The following SKAP1 variants were observed in gnomAD, a reference collection of about 807,000 sequenced individuals.
SKAP1 encodes src kinase-associated phosphoprotein 1.
In SKAP1, 44 loss-of-function variants were observed where a neutral mutation model predicts 58.5. That is an observed-to-expected ratio of 0.75 (90% CI 0.59 to 0.97). The LOEUF is 0.97. Among genes scored for constraint, SKAP1 ranks in the 50% least tolerant of loss-of-function variants. The probability of loss-of-function intolerance (pLI) is 0.00; values close to 1 mark genes in which losing one functional copy is unlikely to be tolerated. For synonymous variants in SKAP1, 127 were observed against 149.7 expected, an observed-to-expected ratio of 0.85 and a Z score of 1.11; for missense variants, 390 against 435.2, an observed-to-expected ratio of 0.90 and a Z score of 0.92.
intron 4 of SKAP1, among the ~76,000 whole-genome samples, chr17:48,295,274 C>T (rs2065952504): frequency 6.6e-6 from 1 of 152,218 alleles, no homozygotes; most frequent in East Asian, 1.9e-4. Context: ...CAGTGCAAAC[C>T]TTACTTGTGT....
At chr17:48,391,659 G>C (rs1019100079) in intron 2 of SKAP1, among the ~76,000 whole-genome samples, 4 of 152,156 alleles carry the variant, frequency 2.6e-5, no homozygotes, top group African/African-American at 9.7e-5. Flanking sequence ...GGATGGGAGG[G>C]AGGGATAAGA....
the SKAP1 span, among the ~76,000 whole-genome samples, chr17:48,442,640 A>G: frequency 6.6e-6 from 1 of 152,108 alleles, no homozygotes; most frequent in African/African-American, 2.4e-5. Flanking sequence ...CAGTTGCCCA[A>G]TCTGGAACCC....
chr17:48,411,398 C>CAAATAAATAAATAAAT (rs55868728), intron 1 of SKAP1, among the ~76,000 whole-genome samples: 3,253 of 147,240 alleles, frequency 0.022, 49 homozygotes, highest in East Asian at 0.071. Flanking sequence ...GATTCCATCT[C>CAAATAAATAAATAAAT]AAATAAATAA....
chr17:48,281,757 T>C (rs1182572613), intron 4 of SKAP1, among the ~76,000 whole-genome samples: 2 of 152,118 alleles, frequency 1.3e-5, no homozygotes, highest in Non-Finnish European at 1.5e-5. Context: ...AAGTTTATTA[T>C]AAAATCAATG....
chr17:48,266,069 A>G (rs118107232), intron 4 of SKAP1, among the ~76,000 whole-genome samples: 6,431 of 152,136 alleles, frequency 0.042, 301 homozygotes, highest in South Asian at 0.26. Context: ...ACATCACTGT[A>G]TGATTATTAA....
chr17:48,397,808 G>C (rs973060418), intron 1 of SKAP1, among the ~76,000 whole-genome samples: 2 of 152,086 alleles, frequency 1.3e-5, no homozygotes, highest in African/African-American at 4.8e-5. Flanking sequence ...TATAAAATAG[G>C]GACATGATAG....
chr17:48,239,243 T>C (rs2065216097), intron 4 of SKAP1, among the ~76,000 whole-genome samples: 1 of 152,216 alleles, frequency 6.6e-6, no homozygotes, highest in African/African-American at 2.4e-5. Context: ...AGGGAAAGAA[T>C]TTCGACTTGA....
At chr17:48,248,347 A>G (rs1041420693) in intron 4 of SKAP1, among the ~76,000 whole-genome samples, 1 of 152,170 alleles carries the variant, frequency 6.6e-6, no homozygotes, top group Non-Finnish European at 1.5e-5. Flanking sequence ...CGGTTGGATC[A>G]TCTGTGATCA....
intron 4 of SKAP1, among the ~76,000 whole-genome samples, chr17:48,326,133 T>G (rs920087620): frequency 6.6e-6 from 1 of 152,234 alleles, no homozygotes; most frequent in Non-Finnish European, 1.5e-5. Flanking sequence ...TTTGTAATCC[T>G]TCCAGGGGTG....
intron 4 of SKAP1, among the ~76,000 whole-genome samples, chr17:48,271,362 C>CTTTTTTTTTTTTTT (rs35447830): frequency 1.2e-4 from 13 of 106,274 alleles, no homozygotes; most frequent in East Asian, 5.2e-4. Flanking sequence ...TTCTTTGTTT[C>CTTTTTTTTTTTTTT]TTTTTTTTTT....
intron 2 of SKAP1, among the ~76,000 whole-genome samples, chr17:48,375,096 G>A (rs954519709): frequency 1.3e-5 from 2 of 152,124 alleles, no homozygotes; most frequent in African/African-American, 4.8e-5. Flanking sequence ...TGTAACAACA[G>A]ACAATAGGCA....
intron 2 of SKAP1, among the ~76,000 whole-genome samples, chr17:48,378,437 C>A (rs1555621137): frequency 6.6e-6 from 1 of 152,134 alleles, no homozygotes; most frequent in Non-Finnish European, 1.5e-5. Context: ...ACCTGGTAAA[C>A]CTCCAATAAA....
chr17:48,249,542 C>T (rs1178771467), intron 4 of SKAP1, among the ~76,000 whole-genome samples: 3 of 151,746 alleles, frequency 2.0e-5, no homozygotes, highest in African/African-American at 2.4e-5. Flanking sequence ...GGCCTGGTGG[C>T]GTGTGCCTGT....
At chr17:48,444,812 T>C in the SKAP1 span, among the ~76,000 whole-genome samples, 2 of 152,032 alleles carry the variant, frequency 1.3e-5, no homozygotes, top group Admixed American at 6.5e-5. Flanking sequence ...GAAGTGAAGG[T>C]TGGAGGGAAA....
the SKAP1 span, among the ~76,000 whole-genome samples, chr17:48,436,077 CT>C: frequency 3.6e-4 from 53 of 146,670 alleles, 1 homozygote; most frequent in African/African-American, 3.2e-4. Flanking sequence ...AATGTCTATT[CT>C]TTTTTTTTTT....
At chr17:48,161,576 C>A (rs1274511847) in intron 11 of SKAP1, among the ~76,000 whole-genome samples, 2 of 152,238 alleles carry the variant, frequency 1.3e-5, no homozygotes, top group South Asian at 2.1e-4. Flanking sequence ...TTTTAAAAAA[C>A]CAGTTTGTTT....
intron 1 of SKAP1, among the ~76,000 whole-genome samples, chr17:48,416,517 A>G (rs1241861885): frequency 6.6e-6 from 1 of 152,198 alleles, no homozygotes; most frequent in Non-Finnish European, 1.5e-5. Context: ...TGAACTACTA[A>G]CAGTAAGACA....
At position 48,162,026 on chromosome 17, in the gene SKAP1, C is replaced by T. The variant is rs571495860; in HGVS notation, c.978+443G>A. 2.6e-5 allele frequency among the ~76,000 whole-genome samples: 4 copies of T among 151,904 alleles called. No homozygotes were observed. The East Asian group carries it at 7.8e-4, about 29-fold the overall frequency. ...CCATCGCCAGGCTGGAGTGCAGTGG[C>T]GTGATCTTAGCTCACTGCAAGCTCC... is the stretch of plus-strand genomic sequence containing the variant. On this transcript the variant is annotated intron_variant, in intron 11 of 12. Coordinates refer to ENST00000336915, the MANE Select transcript of SKAP1 (RefSeq NM_003726.4).
At chr17:48,150,387 G>A (rs2063886270) in intron 11 of SKAP1, among the ~76,000 whole-genome samples, 1 of 152,158 alleles carries the variant, frequency 6.6e-6, no homozygotes, top group South Asian at 2.1e-4. Context: ...TTTAAAAATG[G>A]TGAGCATCAA....
Sources: allele counts gnomAD v4.1 joint callset (sites outside exome capture counted in the v4.1 genomes callset), GRCh38; gene constraint gnomAD v4.1.1; transcripts MANE v1.5; gene names NCBI Gene and HGNC (gene_info 2026-07-23, HGNC 2026-07-21).